Variants in GLYATL1 observed in about 807,000 individuals in gnomAD.
GLYATL1 encodes glycine N-acyltransferase-like protein 1.
Under a neutral mutation model 20.0 loss-of-function variants are expected in GLYATL1, and 15 were observed. The observed-to-expected ratio is 0.75, with a 90% CI of 0.50 to 1.15. GLYATL1 has a LOEUF of 1.15. Among genes scored for constraint, GLYATL1 ranks in the 50% most tolerant of loss-of-function variants. The pLI is 0.00. For synonymous variants in GLYATL1, 151 were observed against 131.5 expected (o/e 1.15, Z -1.01); for missense variants, 380 against 368.5 (o/e 1.03, Z -0.26).
At chr11:58,944,305 C>T (rs1029827130) in intron 2 of GLYATL1, among the ~76,000 whole-genome samples, 1 of 152,252 alleles carries the variant, frequency 6.6e-6, no homozygotes, top group East Asian at 1.9e-4. Context: ...GAATAATCTG[C>T]CTTGCACTCT....
At chr11:58,947,451 C>G in intron 3 of GLYATL1, 1 of 493,048 alleles carries the variant, frequency 2.0e-6, no homozygotes. Context: ...CCAAGGCTGC[C>G]ATTTTCTAGT....
At chr11:58,947,473 G>A (rs1856657537) in intron 3 of GLYATL1, 1 of 476,606 alleles carries the variant, frequency 2.1e-6, no homozygotes, top group South Asian at 3.2e-5. Flanking sequence ...AGATGGCTTT[G>A]TGGATGTTTC....
upstream of GLYATL1, among the ~76,000 whole-genome samples, chr11:58,938,615 T>C (rs1233557121): frequency 6.6e-6 from 1 of 152,178 alleles, no homozygotes; most frequent in East Asian, 1.9e-4. Context: ...TTGTGACACA[T>C]AAGGCTAAAC....
At chr11:58,925,097 T>C (rs908055476), upstream of GLYATL1, among the ~76,000 whole-genome samples, 1 of 152,174 alleles carries the variant, frequency 6.6e-6, no homozygotes, top group African/African-American at 2.4e-5. Flanking sequence ...TTTCTTTCCA[T>C]CCTTGGATGA....
intron 1 of GLYATL1, chr11:58,905,759 CG>C: frequency 2.9e-6 from 1 of 341,322 alleles, no homozygotes; most frequent in Admixed American, 3.2e-5. Context: ...GGCGGGTGGG[CG>C]CGCAGTCCCC....
upstream of GLYATL1, among the ~76,000 whole-genome samples, chr11:58,936,425 C>A (rs1365547172): frequency 6.6e-6 from 1 of 152,224 alleles, no homozygotes; most frequent in Non-Finnish European, 1.5e-5. Flanking sequence ...TTTCTTGAAA[C>A]TAGACAATCT....
chr11:58,912,611 T>A (rs140673437), downstream of GLYATL1, among the ~76,000 whole-genome samples: 323 of 152,322 alleles, frequency 2.1e-3, no homozygotes, highest in African/African-American at 7.4e-3. Context: ...TTATTGGGAC[T>A]TTTGTATGCC....
intron 1 of GLYATL1, among the ~76,000 whole-genome samples, chr11:58,906,464 A>G (rs992443275): frequency 1.2e-4 from 18 of 152,102 alleles, no homozygotes; most frequent in African/African-American, 4.1e-4. Context: ...CTCCTGTTCA[A>G]AGTTCCTGGG....
intron 1 of GLYATL1, among the ~76,000 whole-genome samples, chr11:58,941,374 C>T (rs1174459253): frequency 2.6e-5 from 4 of 152,056 alleles, no homozygotes; most frequent in African/African-American, 4.8e-5. Flanking sequence ...ATGAACTCGT[C>T]ATTTTTTATG....
At chr11:58,945,448 G>C (rs1856499027) in intron 2 of GLYATL1, among the ~76,000 whole-genome samples, 1 of 152,176 alleles carries the variant, frequency 6.6e-6, no homozygotes, top group African/African-American at 2.4e-5. Context: ...GGATGGAGTA[G>C]GGAATGCACA....
At chr11:58,951,482 TATAAAC>T (rs1297486519) in intron 4 of GLYATL1, among the ~76,000 whole-genome samples, 1 of 138,856 alleles carries the variant, frequency 7.2e-6, no homozygotes, top group Non-Finnish European at 1.6e-5. Flanking sequence ...TCCTATTTCT[TATAAAC>T]TTAATAGCTA....
intron 2 of GLYATL1, among the ~76,000 whole-genome samples, chr11:58,944,449 C>T (rs1461670650): frequency 6.6e-6 from 1 of 152,092 alleles, no homozygotes; most frequent in East Asian, 1.9e-4. Context: ...AAATATATAG[C>T]ATTTATTCTG....
chr11:58,946,975 G>C lies in GLYATL1; in HGVS notation c.-42-71G>C, dbSNP rs189772119. The C allele has an allele frequency of 2.0e-4, 205 of 1,049,852 alleles. 3 individuals carry two copies. The East Asian group carries it at 4.2e-3, about 22-fold the overall frequency. 65.0% of individuals were successfully genotyped at this position (1,049,852 alleles called of 1,614,324 possible). On this transcript the variant is annotated intron_variant, in intron 2 of 6. Transcript: ENST00000532726. ...CCTACATCACGAGTGTTACTTGAAT[G>C]GAGATGTATAAAGTGCATTTTAAAT...
chr11:58,933,948 T>C (rs1855712135), intron 1 of GLYATL1: 1 of 152,470 alleles, frequency 6.6e-6, no homozygotes, highest in African/African-American at 2.4e-5. Flanking sequence ...TCATTGGGTA[T>C]GTGGGGATGA....
At chr11:58,948,547 G>A (rs1404061060) in intron 4 of GLYATL1, among the ~76,000 whole-genome samples, 1 of 152,160 alleles carries the variant, frequency 6.6e-6, no homozygotes, top group African/African-American at 2.4e-5. Context: ...GGCTGAGGTG[G>A]GAGGATGGCT....
At chr11:58,935,404 G>C (rs745341153), upstream of GLYATL1, 4 of 152,206 alleles carry the variant, frequency 2.6e-5, no homozygotes, top group Non-Finnish European at 4.4e-5. Context: ...CTGCTGCCTG[G>C]TGTTGTGGGA....
upstream of GLYATL1, among the ~76,000 whole-genome samples, chr11:58,924,664 C>T (rs747750132): frequency 1.6e-4 from 24 of 152,152 alleles, no homozygotes; most frequent in Non-Finnish European, 2.8e-4. Context: ...GCTCTTATTC[C>T]GGCTTTGCAT....
chr11:58,956,264 CG>C lies in GLYATL1; in HGVS notation c.*241del. On this transcript the variant is annotated 3_prime_UTR_variant, in exon 7 of 7. Transcript: ENST00000532726. ...TATGCTTAAGTGTTATAGGGAAAGA[CG>C]GGGTTACCAGTAAACATGTAACTAG... 2.1e-6 allele frequency: 1 copy of C among 486,050 alleles called. No individual in the cohort carries two copies. Among genetic ancestry groups the C allele is most frequent in the Non-Finnish European group, 3.6e-6 (1 of 275,550 alleles). The allele number at this position is 486,050 out of a possible 1,614,324, so 30.1% of individuals were successfully genotyped here. A position where few individuals can be genotyped will look rare whatever the true frequency, so the allele number is the denominator to read the frequency against.
intron 1 of GLYATL1, among the ~76,000 whole-genome samples, chr11:58,918,902 G>A (rs1236625739): frequency 2.0e-5 from 3 of 152,196 alleles, no homozygotes; most frequent in Non-Finnish European, 4.4e-5. Flanking sequence ...TTATCAGCTG[G>A]TTCAGATGGT....
Sources: gnomAD v4.1 joint callset for allele counts (sites outside exome capture counted in the v4.1 genomes callset) on GRCh38, gnomAD v4.1.1 for gene constraint, MANE v1.5 for transcripts, NCBI Gene and HGNC (gene_info 2026-07-23, HGNC 2026-07-21) for gene names.